Variants in INPP4B observed in about 807,000 individuals in gnomAD.
INPP4B encodes the protein inositol polyphosphate-4-phosphatase type II B, also known as inositol polyphosphate 4-phosphatase type II.
A neutral mutation model predicts 122.5 loss-of-function variants in INPP4B; 55 were observed. The ratio of observed to expected loss-of-function variants is 0.45; its 90% CI spans 0.36 to 0.56. The LOEUF (loss-of-function observed/expected upper bound fraction) is 0.56, where lower values mean the gene tolerates loss of function less well. Ranked by LOEUF, INPP4B falls within the 20% of genes least tolerant of loss-of-function variation. INPP4B has a pLI of 0.00. For synonymous variants in INPP4B, 403 were observed against 388.7 expected, an observed-to-expected ratio of 1.04 and a Z score of -0.43; for missense variants, 1,000 against 1,097.7, an observed-to-expected ratio of 0.91 and a Z score of 1.26.
At chr4:142,275,366 A>G (rs562766500) in intron 9 of INPP4B, among the ~76,000 whole-genome samples, 2 of 152,024 alleles carry the variant, frequency 1.3e-5, no homozygotes, top group East Asian at 3.9e-4. Flanking sequence ...ACACCTAGGG[A>G]CAAACCATCA....
intron 1 of INPP4B, among the ~76,000 whole-genome samples, chr4:142,767,342 C>G (rs1772307742): frequency 6.6e-6 from 1 of 152,098 alleles, no homozygotes; most frequent in Admixed American, 6.6e-5. Context: ...ACTTAACCTT[C>G]CAGCCAAGAC....
At chr4:142,294,871 A>G (rs1242073579) in intron 9 of INPP4B, among the ~76,000 whole-genome samples, 2 of 146,642 alleles carry the variant, frequency 1.4e-5, no homozygotes, top group Non-Finnish European at 3.0e-5. Flanking sequence ...GACTTACGCC[A>G]GGCTGTGGAT....
rs185653349 is a variant in INPP4B, at chr4:142,738,865, G to C, written c.-253-12964C>G. Among the ~76,000 whole-genome samples, 105 of 152,198 alleles carry C rather than the reference G, an allele frequency of 6.9e-4. No individual in the cohort carries two copies. The Middle Eastern group carries it at 0.017, about 25-fold the overall frequency. On this transcript the variant is annotated intron_variant, in intron 1 of 25. Transcript: ENST00000262992. ...AATCCTGTGTGATTTTATACTATCT[G>C]CTGTATTCACAATGTTCATCTTAAG...
At chr4:142,071,104 A>G (rs1041620091) in intron 25 of INPP4B, among the ~76,000 whole-genome samples, 3 of 152,210 alleles carry the variant, frequency 2.0e-5, no homozygotes, top group Non-Finnish European at 4.4e-5. Context: ...AGGCTACAGT[A>G]ACCAAAACAG....
chr4:142,793,362 A>G (rs577657685), intron 1 of INPP4B, among the ~76,000 whole-genome samples: 3 of 152,234 alleles, frequency 2.0e-5, no homozygotes. Flanking sequence ...ATATTTACCC[A>G]CAATAGAAAC....
At chr4:142,071,456 C>G (rs1767255342) in intron 25 of INPP4B, among the ~76,000 whole-genome samples, 1 of 152,104 alleles carries the variant, frequency 6.6e-6, no homozygotes, top group Admixed American at 6.5e-5. Flanking sequence ...ACACCAAAAG[C>G]AATGGCAACA....
chr4:142,290,785 T>C (rs1465318857), intron 9 of INPP4B, among the ~76,000 whole-genome samples: 1 of 152,064 alleles, frequency 6.6e-6, no homozygotes, highest in East Asian at 1.9e-4. Context: ...GGGGACGTGG[T>C]ATGTATGACC....
At chr4:142,194,328 T>C (rs1352255003) in intron 14 of INPP4B, among the ~76,000 whole-genome samples, 1 of 152,194 alleles carries the variant, frequency 6.6e-6, no homozygotes, top group African/African-American at 2.4e-5. Context: ...TCAGCTCTTA[T>C]TAAGATAGCA....
At chr4:142,262,940 G>A (rs901147948) in intron 10 of INPP4B, among the ~76,000 whole-genome samples, 3 of 152,128 alleles carry the variant, frequency 2.0e-5, no homozygotes, top group Non-Finnish European at 4.4e-5. Flanking sequence ...TTCAGAAGGG[G>A]ATGTATTTGT....
chr4:142,632,411 G>T (rs1463411467), intron 2 of INPP4B, among the ~76,000 whole-genome samples: 1 of 152,096 alleles, frequency 6.6e-6, no homozygotes, highest in Non-Finnish European at 1.5e-5. Flanking sequence ...ATAGAGAGTA[G>T]ACTGGTGATT....
intron 3 of INPP4B, among the ~76,000 whole-genome samples, chr4:142,443,302 G>A (rs958310098): frequency 4.6e-5 from 7 of 152,156 alleles, no homozygotes; most frequent in Non-Finnish European, 7.3e-5. Context: ...CAGAGTGGGT[G>A]CCTGGAGAAA....
chr4:142,824,926 G>A (rs1317060618), intron 1 of INPP4B, among the ~76,000 whole-genome samples: 1 of 151,950 alleles, frequency 6.6e-6, no homozygotes, highest in Non-Finnish European at 1.5e-5. Context: ...ACAAAGTGTT[G>A]AGGACTTTTT....
At chr4:142,169,026 G>A (rs1239694147) in intron 16 of INPP4B, among the ~76,000 whole-genome samples, 1 of 151,528 alleles carries the variant, frequency 6.6e-6, no homozygotes, top group Non-Finnish European at 1.5e-5. Context: ...CCACTTTCTT[G>A]TTGTTTAAGG....
At chr4:142,307,774 T>A (rs1461574872) in intron 8 of INPP4B, among the ~76,000 whole-genome samples, 1 of 152,208 alleles carries the variant, frequency 6.6e-6, no homozygotes, top group Admixed American at 6.5e-5. Context: ...CAAAGAAAAC[T>A]TTTAAGCAAT....
intron 2 of INPP4B, among the ~76,000 whole-genome samples, chr4:142,532,728 A>G (rs4975306): frequency 0.24 from 36,163 of 152,144 alleles, 5,412 homozygotes; most frequent in East Asian, 0.78. Flanking sequence ...GAGTATAAAA[A>G]TGGAATATGA....
In INPP4B at chr4:142,475,098, A is replaced by G. The variant is rs145615288; in HGVS notation, c.-190-12372T>C. Among the ~76,000 whole-genome samples the G allele has an allele frequency of 4.6e-3, 702 of 152,326 alleles. 8 individuals carry two copies. Among genetic ancestry groups the G allele is most frequent in the African/African-American group, 0.016 (656 of 41,580 alleles). ...CCAGAAAAGATATGGCCTGTCTGCC[A>G]ACTGTGGCCCTTGCCTGAGAGAGCC... On this transcript the variant is annotated intron_variant, in intron 2 of 25. Transcript: ENST00000262992.
intron 7 of INPP4B, among the ~76,000 whole-genome samples, chr4:142,371,609 T>C (rs1312800380): frequency 6.6e-6 from 1 of 151,920 alleles, no homozygotes; most frequent in African/African-American, 2.4e-5. Context: ...AAGAATTTTA[T>C]TAAAAAGTGG....
rs1562021693 is a variant in INPP4B, at chr4:142,402,995, A to G, written c.315T>C (p.Tyr105=). ...CTGTTAGTTTTATTTTGGTCTCCTC[A>G]TAGATGGGATACTCAGATGGGAATG... is the stretch of plus-strand genomic sequence containing the variant. The part of the protein sequence containing the change: ...GVTFPSEYPI[Y]EETKIKLTVY... The change falls in exon 7 of 26, where the codon TAT becomes TAC. Residue 105 remains tyrosine, a synonymous_variant. Transcript: ENST00000262992. The G allele has an allele frequency of 6.2e-7, 1 of 1,611,354 alleles. No homozygotes were observed. The highest frequency in any genetic ancestry group is 1.1e-5 in the South Asian group (1 of 91,014).
At chr4:142,304,169 A>G (rs1476123913) in intron 9 of INPP4B, among the ~76,000 whole-genome samples, 2 of 152,120 alleles carry the variant, frequency 1.3e-5, no homozygotes, top group South Asian at 2.1e-4. Context: ...CCAGGGGCAT[A>G]TGGGTCACAT....
Sources: gnomAD v4.1 joint callset for allele counts (sites outside exome capture counted in the v4.1 genomes callset) on GRCh38, gnomAD v4.1.1 for gene constraint, MANE v1.5 for transcripts, NCBI Gene and HGNC (gene_info 2026-07-23, HGNC 2026-07-21) for gene names.